The following HFM1 variants were observed in gnomAD, a reference collection of about 807,000 sequenced individuals.
HFM1 encodes helicase for meiosis 1, also known as probable ATP-dependent DNA helicase HFM1.
A neutral mutation model predicts 192.1 loss-of-function variants in HFM1; 169 were observed. The ratio of observed to expected loss-of-function variants is 0.88; its 90% CI spans 0.78 to 1.00. The LOEUF (loss-of-function observed/expected upper bound fraction) is 1.00, where lower values mean the gene tolerates loss of function less well. Ranked by LOEUF, HFM1 falls within the 50% of genes least tolerant of loss-of-function variation. HFM1 has a pLI of 0.00. For synonymous variants in HFM1, 525 were observed against 537.8 expected (o/e 0.98, Z 0.33); for missense variants, 1,661 against 1,668.0 (o/e 1.00, Z 0.07).
In HFM1 at chr1:91,313,987, G is replaced by C; in HGVS notation, c.3214C>G (p.Leu1072Val). The C allele has an allele frequency of 6.2e-7, 1 of 1,604,884 alleles. No individual in the cohort carries two copies. Among genetic ancestry groups the C allele is most frequent in the South Asian group, 1.1e-5 (1 of 90,178 alleles). Residue 1072 changes from leucine (L) to valine (V), a missense_variant, in exon 29 of 39, where the codon CTT (leucine) becomes GTT (valine). Transcript: ENST00000370425. ...AVKRALKSEDLSINLISSEFV... is the reference protein window; with the variant it reads ...AVKRALKSEDVSINLISSEFV... The stretch of plus-strand genomic sequence containing the variant: ...TCAGAACTTATTAGATTTATGCTAA[G>C]ATCTTCAGATTTAAGAGCTCTTTTC...
chr1:91,288,326 T>G (rs1216596595), intron 30 of HFM1, among the ~76,000 whole-genome samples: 1 of 149,892 alleles, frequency 6.7e-6, no homozygotes, highest in Admixed American at 6.7e-5. Flanking sequence ...CGGCAGAAAC[T>G]CTACAAGCCA....
chr1:91,348,217 T>C lies in HFM1; in HGVS notation c.2207-741A>G, dbSNP rs72970324. Among the ~76,000 whole-genome samples the C allele has an allele frequency of 2.3e-3, 355 of 152,062 alleles. 1 individual carries two copies. The highest frequency in any genetic ancestry group is 8.1e-3 in the African/African-American group (334 of 41,484). On this transcript the variant is annotated intron_variant, in intron 18 of 38. Transcript: ENST00000370425. ...TAAGTGATATCTCAATACAAAAAAG[T>C]AACTACAGAAAATAAAGTAACTATG...
At position 91,347,450 on chromosome 1, in the gene HFM1, C is replaced by T. The variant is rs1430932398; in HGVS notation, c.2233G>A (p.Gly745Arg). 2 of 1,586,186 alleles carry T rather than the reference C, an allele frequency of 1.3e-6. No homozygotes were observed. The highest frequency in any genetic ancestry group is 8.6e-7 in the Non-Finnish European group (1 of 1,164,668). Reference sequence around the variant, plus strand: ...TAACCTTGTAATTTTGCTTCAATTCCATCTTTGTTCAATCCAGATGCAAAA... The same window carrying T: ...TAACCTTGTAATTTTGCTTCAATTCTATCTTTGTTCAATCCAGATGCAAAA... ...YGFASGLNKD[G>R]IEAKLQELCL... The change falls in exon 19 of 39, where the codon GGA becomes AGA. Residue 745 changes from glycine (G) to arginine (R), a missense_variant. Transcript: ENST00000370425.
At chr1:91,288,308 A>G (rs1668261329) in intron 30 of HFM1, among the ~76,000 whole-genome samples, 1 of 151,936 alleles carries the variant, frequency 6.6e-6, no homozygotes, top group South Asian at 2.1e-4. Flanking sequence ...GACTAACAGC[A>G]GATCTCCCGG....
intron 18 of HFM1, among the ~76,000 whole-genome samples, chr1:91,350,522 G>T (rs1459585541): frequency 6.6e-6 from 1 of 151,614 alleles, no homozygotes; most frequent in African/African-American, 2.4e-5. Flanking sequence ...ATTTTTAATG[G>T]TGTTGATTTC....
At chr1:91,264,820 T>C (rs1284243298) in intron 36 of HFM1, among the ~76,000 whole-genome samples, 1 of 152,174 alleles carries the variant, frequency 6.6e-6, no homozygotes, top group African/African-American at 2.4e-5. Context: ...TCCCAATGCA[T>C]TTTGCATTTT....
intron 20 of HFM1, among the ~76,000 whole-genome samples, chr1:91,331,426 G>A (rs1007180798): frequency 6.6e-6 from 1 of 151,920 alleles, no homozygotes; most frequent in African/African-American, 2.4e-5. Context: ...AAAGATCTTT[G>A]TAATTAAAAC....
At chr1:91,308,240 CT>C (rs1376193177) in intron 30 of HFM1, among the ~76,000 whole-genome samples, 1 of 151,966 alleles carries the variant, frequency 6.6e-6, no homozygotes, top group East Asian at 1.9e-4. Context: ...TATGTTAGAC[CT>C]TTTTTTGAGT....
chr1:91,278,374 A>T (rs1667150802), intron 30 of HFM1, among the ~76,000 whole-genome samples: 1 of 152,050 alleles, frequency 6.6e-6, no homozygotes, highest in Admixed American at 6.6e-5. Flanking sequence ...AAGGAGAGAG[A>T]TGTTTGAACT....
intron 20 of HFM1, chr1:91,328,847 C>T: frequency 1.2e-6 from 2 of 1,610,644 alleles, no homozygotes; most frequent in Non-Finnish European, 1.7e-6. Flanking sequence ...CCTTGATGCA[C>T]CCATCGAGGC....
chr1:91,378,129 T>C lies in HFM1; in HGVS notation c.1291A>G (p.Arg431Gly). The change falls in exon 11 of 39, where the codon AGA (arginine) becomes GGA (glycine). Residue 431 changes from arginine (R) to glycine (G), a missense_variant. Arg to Gly is a moderately radical substitution (Grantham distance 125). Transcript: ENST00000370425. ...RGPTLEVVVS[R>G]MKTVQSVSQT... ...GAAACAGACTGTACAGTTTTCATTC[T>C]GCTAACTACAACTTCAAGAGTTGGA... is the stretch of plus-strand genomic sequence containing the variant. The C allele has an allele frequency of 6.2e-7, 1 of 1,611,106 alleles. No homozygotes were observed. Among genetic ancestry groups the C allele is most frequent in the Non-Finnish European group, 8.5e-7 (1 of 1,178,602 alleles).
At chr1:91,398,642 G>C (rs1216111509) in intron 2 of HFM1, among the ~76,000 whole-genome samples, 1 of 151,592 alleles carries the variant, frequency 6.6e-6, no homozygotes, top group East Asian at 1.9e-4. Flanking sequence ...AAACTAAACT[G>C]AACTCCCTGT....
chr1:91,284,101 A>T (rs1667709538), intron 30 of HFM1, among the ~76,000 whole-genome samples: 1 of 152,092 alleles, frequency 6.6e-6, no homozygotes, highest in African/African-American at 2.4e-5. Context: ...TTGATTTTGC[A>T]ACTTAATGCA....
At chr1:91,406,715 G>A (rs1017806114), upstream of HFM1, among the ~76,000 whole-genome samples, 7 of 152,090 alleles carry the variant, frequency 4.6e-5, no homozygotes, top group Non-Finnish European at 8.8e-5. Context: ...TAGTCTTCCC[G>A]GTCAACTTCT....
chr1:91,332,520 A>C (rs1394272801), intron 20 of HFM1, among the ~76,000 whole-genome samples: 2 of 152,206 alleles, frequency 1.3e-5, no homozygotes, highest in African/African-American at 2.4e-5. Flanking sequence ...AATATTAGGG[A>C]AACTCTCCAG....
chr1:91,367,454 G>A (rs899223179), intron 13 of HFM1, among the ~76,000 whole-genome samples: 47 of 152,090 alleles, frequency 3.1e-4, no homozygotes, highest in Admixed American at 8.5e-4. Context: ...ACCAATATCC[G>A]CTGTTCTGCA....
intron 7 of HFM1, 22 bp from the exon 8 acceptor site, chr1:91,380,258 A>G: frequency 7.0e-7 from 1 of 1,430,164 alleles, no homozygotes; most frequent in Non-Finnish European, 9.4e-7. Context: ...AAAGTAATCA[A>G]TCATGTAACA....
At chr1:91,339,099 A>G (rs1654994670) in intron 20 of HFM1, 1 of 446,190 alleles carries the variant, frequency 2.2e-6, no homozygotes, top group Admixed American at 2.4e-5. Context: ...CAAGGAATAT[A>G]AAAGAAAAAG....
At chr1:91,403,878 T>A (rs996609606) in intron 1 of HFM1, among the ~76,000 whole-genome samples, 1 of 152,244 alleles carries the variant, frequency 6.6e-6, no homozygotes, top group Non-Finnish European at 1.5e-5. Context: ...TTACTTATTG[T>A]ATAAAATTAT....
Sources: gnomAD v4.1 joint callset for allele counts (sites outside exome capture counted in the v4.1 genomes callset) on GRCh38, gnomAD v4.1.1 for gene constraint, MANE v1.5 for transcripts, NCBI Gene and HGNC (gene_info 2026-07-23, HGNC 2026-07-21) for gene names.